The following L3MBTL4 variants were observed in gnomAD, a reference collection of about 807,000 sequenced individuals.
L3MBTL4 encodes L3MBTL histone methyl-lysine binding protein 4.
A neutral mutation model predicts 84.5 loss-of-function variants in L3MBTL4; 70 were observed. The observed-to-expected ratio is 0.83, with a 90% CI of 0.68 to 1.01. The LOEUF (loss-of-function observed/expected upper bound fraction) is 1.01, where lower values mean the gene tolerates loss of function less well. Among genes scored for constraint, L3MBTL4 ranks in the 50% least tolerant of loss-of-function variants. L3MBTL4 has a pLI of 0.00. For synonymous variants in L3MBTL4, 274 were observed against 259.8 expected, an observed-to-expected ratio of 1.05 and a Z score of -0.52; for missense variants, 715 against 754.8, an observed-to-expected ratio of 0.95 and a Z score of 0.62.
chr18:6,358,552 C>A (rs1599765630), intron 1 of L3MBTL4, among the ~76,000 whole-genome samples: 1 of 152,202 alleles, frequency 6.6e-6, no homozygotes, highest in Non-Finnish European at 1.5e-5. Context: ...AGAAAGACAG[C>A]TGTAGCAAAA....
rs369006432 is a variant in L3MBTL4 at position 6,284,528 on chromosome 18, C to G, written c.127+17375G>C. On this transcript the variant is annotated intron_variant, in intron 4 of 18. Transcript: ENST00000317931. ...GCGGGAGGCAGGCACTCAGCTCCCTCGCTGGCTCCCACACCGCCGCAGCGC... is the reference window on the plus strand; with the variant it reads ...GCGGGAGGCAGGCACTCAGCTCCCTGGCTGGCTCCCACACCGCCGCAGCGC... 3.9e-5 allele frequency among the ~76,000 whole-genome samples: 6 copies of G among 152,334 alleles called. No homozygotes were observed. The East Asian group carries it at 7.7e-4, about 20-fold the overall frequency.
intron 18 of L3MBTL4, among the ~76,000 whole-genome samples, chr18:5,959,582 G>T (rs2095251909): frequency 6.6e-6 from 1 of 152,110 alleles, no homozygotes; most frequent in Non-Finnish European, 1.5e-5. Context: ...GGCTGCTCTG[G>T]AAGCAAATGC....
intron 1 of L3MBTL4, among the ~76,000 whole-genome samples, chr18:6,378,067 A>G (rs1157753356): frequency 6.6e-6 from 1 of 152,192 alleles, no homozygotes; most frequent in East Asian, 1.9e-4. Flanking sequence ...TTCTCTGATG[A>G]CCAGTGACGA....
intron 16 of L3MBTL4, among the ~76,000 whole-genome samples, chr18:6,032,892 A>G (rs1255053336): frequency 6.6e-6 from 1 of 152,200 alleles, no homozygotes; most frequent in Non-Finnish European, 1.5e-5. Context: ...GTTAGGCTGA[A>G]TAATATTCCG....
At chr18:6,042,403 T>C (rs1445688587) in intron 16 of L3MBTL4, among the ~76,000 whole-genome samples, 1 of 151,590 alleles carries the variant, frequency 6.6e-6, no homozygotes, top group Non-Finnish European at 1.5e-5. Flanking sequence ...AGCACGTAAA[T>C]CCACACCTGC....
intron 4 of L3MBTL4, among the ~76,000 whole-genome samples, chr18:6,295,313 T>TAACAA (rs1418297709): frequency 8.1e-5 from 8 of 98,820 alleles, no homozygotes; most frequent in African/African-American, 4.1e-4. Flanking sequence ...ACAACAACTC[T>TAACAA]CTCTCTCTCT....
intron 1 of L3MBTL4, among the ~76,000 whole-genome samples, chr18:6,378,482 A>C (rs1442191889): frequency 1.3e-5 from 2 of 152,034 alleles, no homozygotes; most frequent in African/African-American, 4.8e-5. Flanking sequence ...ATCCATCTTG[A>C]GTTAATTTTT....
chr18:5,974,325 C>T (rs575108821), intron 16 of L3MBTL4, among the ~76,000 whole-genome samples: 71 of 152,286 alleles, frequency 4.7e-4, no homozygotes, highest in Non-Finnish European at 7.6e-4. Context: ...AGGCCCTGGA[C>T]CACAGCACTG....
Position 6,053,897 on chromosome 18 carries a change from G to A in L3MBTL4, c.1444+26984C>T, listed in dbSNP as rs148387278. On this transcript the variant is annotated intron_variant, in intron 16 of 18. Coordinates refer to ENST00000317931, the MANE Select transcript of L3MBTL4 (RefSeq NM_001330559.2). ...AAAAGTGACTGAAAAAAATCATGGC[G>A]TGCAAATGCTTTTGCAAAGTCTAAT... 2.0e-3 allele frequency among the ~76,000 whole-genome samples: 309 copies of A among 152,280 alleles called. 1 individual carries two copies. The highest frequency in any genetic ancestry group is 2.1e-3 in the Non-Finnish European group (145 of 68,022).
chr18:6,056,554 C>G (rs949785957), intron 16 of L3MBTL4, among the ~76,000 whole-genome samples: 9 of 152,158 alleles, frequency 5.9e-5, no homozygotes, highest in African/African-American at 1.7e-4. Flanking sequence ...CTTATGCACT[C>G]AGCTGCTTTG....
intron 1 of L3MBTL4, among the ~76,000 whole-genome samples, chr18:6,348,124 CATT>C (rs951491634): frequency 1.5e-4 from 22 of 151,606 alleles, no homozygotes; most frequent in African/African-American, 5.1e-4. Context: ...CTATATAGAA[CATT>C]ATTAAGAAAA....
At chr18:6,232,998 T>C (rs1599260175) in intron 10 of L3MBTL4, among the ~76,000 whole-genome samples, 1 of 152,278 alleles carries the variant, frequency 6.6e-6, no homozygotes, top group East Asian at 1.9e-4. Context: ...ATCCCTGGGA[T>C]GCAAGGCTGG....
At chr18:6,108,685 C>T (rs964978216) in intron 14 of L3MBTL4, among the ~76,000 whole-genome samples, 1 of 152,152 alleles carries the variant, frequency 6.6e-6, no homozygotes, top group Non-Finnish European at 1.5e-5. Context: ...TCCCATTTCT[C>T]CTCCTCTGGG....
chr18:6,026,505 C>T (rs1226257007), intron 16 of L3MBTL4, among the ~76,000 whole-genome samples: 4 of 152,302 alleles, frequency 2.6e-5, no homozygotes, highest in South Asian at 2.1e-4. Flanking sequence ...GATGAACTTA[C>T]GGTGAGCTAA....
At chr18:6,259,070 C>A (rs747834594) in intron 5 of L3MBTL4, 2 of 152,156 alleles carry the variant, frequency 1.3e-5, no homozygotes, top group African/African-American at 2.4e-5. Context: ...GGCAGAGTGC[C>A]CGGGGGGAAG....
chr18:6,044,048 G>T (rs1221921186), intron 16 of L3MBTL4, among the ~76,000 whole-genome samples: 1 of 152,150 alleles, frequency 6.6e-6, no homozygotes, highest in Non-Finnish European at 1.5e-5. Context: ...TTGAGTAAAA[G>T]GATCCTTTAG....
chr18:6,097,642 C>T (rs1483659479), intron 14 of L3MBTL4, among the ~76,000 whole-genome samples: 1 of 152,138 alleles, frequency 6.6e-6, no homozygotes, highest in Non-Finnish European at 1.5e-5. Context: ...TCTTAAAGTC[C>T]AGCAGTTCCA....
chr18:6,071,624 T>C (rs969304162), intron 16 of L3MBTL4, among the ~76,000 whole-genome samples: 3 of 124,784 alleles, frequency 2.4e-5, no homozygotes, highest in Non-Finnish European at 4.9e-5. Flanking sequence ...GTGACAGAGA[T>C]AGATCCCATA....
intron 13 of L3MBTL4, among the ~76,000 whole-genome samples, chr18:6,157,611 T>C (rs1033235986): frequency 7.9e-5 from 12 of 152,296 alleles, no homozygotes; most frequent in Non-Finnish European, 1.5e-4. Context: ...TTAAATGAAA[T>C]TGGATAAAAA....
Sources: allele counts gnomAD v4.1 joint callset (sites outside exome capture counted in the v4.1 genomes callset), GRCh38; gene constraint gnomAD v4.1.1; transcripts MANE v1.5; gene names NCBI Gene and HGNC (gene_info 2026-07-23, HGNC 2026-07-21).